HDAC4: variants seen among roughly 807,000 people sequenced by gnomAD.
The protein encoded by HDAC4 is histone deacetylase 4, also known as histone deacetylase A.
A neutral mutation model predicts 135.1 loss-of-function variants in HDAC4; 16 were observed. The observed-to-expected ratio is 0.12, with a 90% confidence interval of 0.08 to 0.18. The LOEUF is 0.18. Among genes scored for constraint, HDAC4 ranks in the 10% least tolerant of loss-of-function variants. HDAC4 has a pLI of 1.00. For synonymous variants in HDAC4, 685 were observed against 653.4 expected (o/e 1.05, Z -0.74); for missense variants, 1,143 against 1,511.8 (o/e 0.76, Z 4.05).
At chr2:239,114,156 C>T (rs1249042823) in intron 13 of HDAC4, among the ~76,000 whole-genome samples, 1 of 152,216 alleles carries the variant, frequency 6.6e-6, no homozygotes, top group Non-Finnish European at 1.5e-5. Context: ...GCAGGGCGTC[C>T]TGCTCCTGGC....
intron 1 of HDAC4, among the ~76,000 whole-genome samples, chr2:239,372,950 G>A (rs977611167): frequency 3.9e-5 from 6 of 152,212 alleles, no homozygotes. Context: ...TGTCTCGGGG[G>A]AGTCCGTCAC....
rs1015003387 is a variant in HDAC4, at chr2:239,285,335, G to A, written c.23-48671C>T. ...CGGCTGGGCCCCCAAGTTCGCGGCT[G>A]TGCAGCGTGGCCAGAATGCTGAGCC... On this transcript the variant is annotated intron_variant, in intron 2 of 26. Coordinates refer to ENST00000543185, the MANE Select transcript of HDAC4 (RefSeq NM_001378414.1). The surrounding 1 kb of genome is among the most constrained non-coding windows in gnomAD (Gnocchi z 4.5). Among the ~76,000 whole-genome samples, 2 of 152,220 alleles carry A rather than the reference G, an allele frequency of 1.3e-5. No homozygotes were observed. The highest frequency in any genetic ancestry group is 4.8e-5 in the African/African-American group (2 of 41,456).
At chr2:239,314,803 A>G (rs1351749809) in intron 2 of HDAC4, among the ~76,000 whole-genome samples, 2 of 152,182 alleles carry the variant, frequency 1.3e-5, no homozygotes, top group Non-Finnish European at 2.9e-5. Flanking sequence ...ACATCTGTAA[A>G]CCAAAAATAA....
At chr2:239,236,738 C>G in intron 2 of HDAC4, 74 bp from the exon 3 acceptor site, 2 of 1,049,104 alleles carry the variant, frequency 1.9e-6, no homozygotes, top group Non-Finnish European at 2.9e-6. Context: ...TGGGAGTCTG[C>G]AGGGAGTAAC....
chr2:239,054,944 G>A, intron 24 of HDAC4, 111 bp from the exon 25 acceptor site: 8 of 797,192 alleles, frequency 1.0e-5, no homozygotes, highest in South Asian at 6.8e-5. Flanking sequence ...CTTGTGGGGT[G>A]CATTTGCCCA....
chr2:239,395,820 G>T (rs947891413), intron 1 of HDAC4, among the ~76,000 whole-genome samples: 12 of 150,772 alleles, frequency 8.0e-5, no homozygotes, highest in Admixed American at 2.6e-4. Context: ...CTCCACACAC[G>T]TCTGGATATC....
chr2:239,079,415 CG>C (rs1559383136), intron 22 of HDAC4, among the ~76,000 whole-genome samples: 1 of 152,108 alleles, frequency 6.6e-6, no homozygotes, highest in African/African-American at 2.4e-5. Flanking sequence ...GCCTGGGCTC[CG>C]TCAGATGGGG....
At chr2:239,094,333 T>C (rs58074027) in intron 17 of HDAC4, 123,036 of 985,334 alleles carry the variant, frequency 0.12, 9,053 homozygotes, top group African/African-American at 0.33. Context: ...TGACCCTTCC[T>C]GTGTGGACGG....
At chr2:239,188,556 C>T (rs371029776) in intron 4 of HDAC4, among the ~76,000 whole-genome samples, 15 of 152,354 alleles carry the variant, frequency 9.8e-5, no homozygotes, top group South Asian at 6.2e-4. Flanking sequence ...AGGTTGCATA[C>T]GGTCATAGGC....
chr2:239,229,766 C>T (rs1167807317), intron 3 of HDAC4, among the ~76,000 whole-genome samples: 1 of 152,072 alleles, frequency 6.6e-6, no homozygotes, highest in Admixed American at 6.5e-5. Context: ...TTAAGATAAG[C>T]GGAGATTCTC....
At chr2:239,334,927 A>G (rs1691828817) in intron 2 of HDAC4, among the ~76,000 whole-genome samples, 1 of 150,142 alleles carries the variant, frequency 6.7e-6, no homozygotes, top group South Asian at 2.1e-4. Context: ...GGGGAGGCTA[A>G]GGCAGGAGAA....
intron 2 of HDAC4, among the ~76,000 whole-genome samples, chr2:239,287,468 C>T (rs79596996): frequency 1.4e-3 from 219 of 152,250 alleles, no homozygotes; most frequent in African/African-American, 5.1e-3. Flanking sequence ...ACTGTTGACA[C>T]GACCTTTTAA....
At chr2:239,294,153 G>C (rs750882883) in intron 2 of HDAC4, among the ~76,000 whole-genome samples, 4 of 152,190 alleles carry the variant, frequency 2.6e-5, no homozygotes, top group Non-Finnish European at 5.9e-5. Flanking sequence ...CAGGGTCGCT[G>C]AGGCGTCACA....
At chr2:239,180,814 T>C (rs1189862563) in intron 4 of HDAC4, among the ~76,000 whole-genome samples, 2 of 152,168 alleles carry the variant, frequency 1.3e-5, no homozygotes, top group South Asian at 2.1e-4. Context: ...GCCTGCCCCA[T>C]TGCAGTGACC....
At position 239,095,061 on chromosome 2, in the gene HDAC4, G is replaced by A. The variant is rs199709933; in HGVS notation, c.2234-5C>T. On this transcript the variant is annotated splice_region_variant and splice_polypyrimidine_tract_variant and intron_variant, in intron 16 of 26. Coordinates refer to ENST00000543185, the MANE Select transcript of HDAC4 (RefSeq NM_001378414.1). ...CGAACACGGAGGCGAGCGAGCCTGT[G>A]GGGGGGAGGGAGACGGTCAGAGAGG... 8.7e-6 allele frequency: 14 copies of A among 1,613,112 alleles called. No homozygotes were observed. The highest frequency in any genetic ancestry group is 6.7e-5 in the East Asian group (3 of 44,862).
In HDAC4 at chr2:239,303,051, G is replaced by A. The variant is rs564115486; in HGVS notation, c.22+49627C>T. The stretch of plus-strand genomic sequence containing the variant: ...CCTCGGGAGTCCTCAAACCCCCCCC[G>A]GGTGGGAGAGGTCATCACCTCCGCG... On this transcript the variant is annotated intron_variant, in intron 2 of 26. Transcript: ENST00000543185. The surrounding 1 kb of genome is among the most constrained non-coding windows in gnomAD (Gnocchi z 5.1). Among the ~76,000 whole-genome samples, 69 of 152,236 alleles carry A rather than the reference G, an allele frequency of 4.5e-4. No individual in the cohort carries two copies. Among genetic ancestry groups the A allele is most frequent in the African/African-American group, 1.5e-3 (64 of 41,554 alleles).
intron 2 of HDAC4, among the ~76,000 whole-genome samples, chr2:239,294,333 G>A (rs2051718357): frequency 6.6e-6 from 1 of 152,164 alleles, no homozygotes; most frequent in Admixed American, 6.5e-5. Flanking sequence ...GATGGGCCTT[G>A]GCAGAGGCCT....
intron 4 of HDAC4, 62 bp downstream of exon 4, chr2:239,189,769 GGA>G (rs2044790423): frequency 1.5e-5 from 23 of 1,497,058 alleles, no homozygotes; most frequent in Non-Finnish European, 1.9e-5. Flanking sequence ...AGGCAGGGCT[GGA>G]GTCACCGGGA....
At chr2:239,350,199 T>C (rs1037024370) in intron 2 of HDAC4, among the ~76,000 whole-genome samples, 1 of 151,874 alleles carries the variant, frequency 6.6e-6, no homozygotes, top group Admixed American at 6.6e-5. Context: ...AAAGAAACAT[T>C]AAACAAAGAG....
Sources: gnomAD v4.1 joint callset for allele counts (sites outside exome capture counted in the v4.1 genomes callset) on GRCh38, gnomAD v4.1.1 for gene constraint, Gnocchi (gnomAD v3.1) non-coding constraint, MANE v1.5 for transcripts, NCBI Gene and HGNC (gene_info 2026-07-23, HGNC 2026-07-21) for gene names.